TLK1: variants seen among roughly 807,000 people sequenced by gnomAD.
TLK1 encodes tousled like kinase 1.
In TLK1, 24 loss-of-function variants were observed where a neutral mutation model predicts 105.3. That is an observed-to-expected ratio of 0.23 (90% confidence interval 0.17 to 0.32). TLK1 has a LOEUF of 0.32. TLK1 is among the 10% of genes least tolerant of loss of function. TLK1 has a pLI of 1.00. For synonymous variants in TLK1, 321 were observed against 310.4 expected (o/e 1.03, Z -0.36); for missense variants, 558 against 910.5 (o/e 0.61, Z 4.98).
intron 1 of TLK1, among the ~76,000 whole-genome samples, chr2:171,209,256 C>G (rs558667046): frequency 2.6e-5 from 4 of 152,228 alleles, no homozygotes; most frequent in African/African-American, 9.6e-5. Context: ...AAAGGGGTTA[C>G]TTATATGGAA....
At chr2:171,214,388 G>C (rs1488116618) in intron 1 of TLK1, among the ~76,000 whole-genome samples, 1 of 152,132 alleles carries the variant, frequency 6.6e-6, no homozygotes, top group Non-Finnish European at 1.5e-5. Context: ...GGACATCTGA[G>C]AATGACATGT....
chr2:171,199,109 G>C (rs1693350537), intron 1 of TLK1, among the ~76,000 whole-genome samples: 1 of 152,220 alleles, frequency 6.6e-6, no homozygotes, highest in South Asian at 2.1e-4. Context: ...CAGCTTGGAA[G>C]TAATTTATTT....
chr2:171,076,025 C>T (rs1447513496), intron 3 of TLK1, among the ~76,000 whole-genome samples: 1 of 152,144 alleles, frequency 6.6e-6, no homozygotes, highest in East Asian at 1.9e-4. Context: ...CAAGACCAGC[C>T]TGGCTAACAT....
chr2:171,213,403 G>A (rs1180352664), intron 1 of TLK1, among the ~76,000 whole-genome samples: 1 of 151,636 alleles, frequency 6.6e-6, no homozygotes, highest in Non-Finnish European at 1.5e-5. Flanking sequence ...GTGTTTCACA[G>A]TATTGCCCAG....
intron 3 of TLK1, among the ~76,000 whole-genome samples, chr2:171,079,052 A>G (rs1160503923): frequency 6.6e-6 from 1 of 152,102 alleles, no homozygotes; most frequent in Non-Finnish European, 1.5e-5. Flanking sequence ...TTTGAAAACC[A>G]GTGGAATCAC....
Position 171,055,473 on chromosome 2 carries a change from A to T in TLK1, c.550-301T>A, listed in dbSNP as rs576573253. Among the ~76,000 whole-genome samples the T allele has an allele frequency of 2.0e-5, 3 of 152,088 alleles. No homozygotes were observed. In the East Asian group the frequency reaches 5.8e-4, roughly 29 times the overall value. On this transcript the variant is annotated intron_variant, in intron 6 of 20. Coordinates refer to ENST00000431350, the MANE Select transcript of TLK1 (RefSeq NM_012290.5). Reference sequence around the variant, plus strand: ...TAATGCTTTCATACAGTTAAAAAAAAAATAAGGCCAAATAAATTATTCTGA... The same window carrying T: ...TAATGCTTTCATACAGTTAAAAAAATAATAAGGCCAAATAAATTATTCTGA...
At position 171,046,001 on chromosome 2, in the gene TLK1, T is replaced by A. The variant is rs1686946048; in HGVS notation, c.1169+173A>T. ...ATTGTTAAATCTCTGCTTAAAACGG[T>A]AGAATTCAGATATTTGGGGCTATTA... On this transcript the variant is annotated intron_variant, in intron 11 of 20. Coordinates refer to ENST00000431350, the MANE Select transcript of TLK1 (RefSeq NM_012290.5). The A allele has an allele frequency of 9.6e-6, 5 of 521,378 alleles. No homozygotes were observed. In the South Asian group the frequency reaches 2.6e-4, roughly 27 times the overall value. 32.3% of individuals were successfully genotyped at this position (521,378 alleles called of 1,614,324 possible).
intron 1 of TLK1, among the ~76,000 whole-genome samples, chr2:171,212,901 T>TAG (rs1693646294): frequency 6.6e-6 from 1 of 151,112 alleles, no homozygotes; most frequent in Non-Finnish European, 1.5e-5. Context: ...TGTTTTTTTT[T>TAG]AAAAAAAACA....
chr2:171,058,007 C>A, intron 5 of TLK1, 144 bp downstream of exon 5: 4 of 671,270 alleles, frequency 6.0e-6, no homozygotes, highest in South Asian at 2.9e-5. Flanking sequence ...TCTAATTTTC[C>A]TAGAAAGATA....
In TLK1 at chr2:171,160,226, G is replaced by GC. The variant is rs1247096144; in HGVS notation, c.139+63_139+64insG. 1 of 1,253,178 alleles carries GC rather than the reference G, an allele frequency of 8.0e-7. No homozygotes were observed. The highest frequency in any genetic ancestry group is 1.0e-6 in the Non-Finnish European group (1 of 988,580). The allele number at this position is 1,253,178 out of a possible 1,614,324, so 77.6% of individuals were successfully genotyped here. A position where few individuals can be genotyped will look rare whatever the true frequency, so the allele number is the denominator to read the frequency against. ...CCCGGGGCGGGGGGGGCGGGGGGGG[G>GC]GCGCGGGGGTCCGCGGCGCGGGAGA... On this transcript the variant is annotated intron_variant, in intron 1 of 20. Coordinates refer to ENST00000431350, the MANE Select transcript of TLK1 (RefSeq NM_012290.5). The surrounding 1 kb of genome is among the most constrained non-coding windows in gnomAD (Gnocchi z 4.4).
Position 171,160,557 on chromosome 2 carries a change from G to C in TLK1, c.-129C>G, listed in dbSNP as rs1692446451. 1 of 1,478,764 alleles carries C rather than the reference G, an allele frequency of 6.8e-7. No homozygotes were observed. 91.6% of individuals were successfully genotyped at this position (1,478,764 alleles called of 1,614,324 possible). On this transcript the variant is annotated 5_prime_UTR_variant, in exon 1 of 21. Transcript: ENST00000431350. The surrounding 1 kb of genome is among the most constrained non-coding windows in gnomAD (Gnocchi z 4.4). ...AGAGAGCGAGGGCTGGGAGGGGAGA[G>C]TCAAGGGGATGGGGGAGGAAACCGA...
chr2:171,087,310 G>A (rs13016705), intron 2 of TLK1, among the ~76,000 whole-genome samples: 37,739 of 152,018 alleles, frequency 0.25, 6,046 homozygotes, highest in Non-Finnish European at 0.36. Flanking sequence ...AATAAAAACC[G>A]TAAAAAGAGC....
intron 1 of TLK1, among the ~76,000 whole-genome samples, chr2:171,168,327 T>A (rs930906155): frequency 7.2e-5 from 11 of 152,010 alleles, no homozygotes; most frequent in Non-Finnish European, 1.6e-4. Flanking sequence ...TGAAACAATA[T>A]GGGAATGTAA....
At chr2:171,050,745 T>C (rs1395776681) in intron 8 of TLK1, among the ~76,000 whole-genome samples, 1 of 152,234 alleles carries the variant, frequency 6.6e-6, no homozygotes, top group Non-Finnish European at 1.5e-5. Context: ...GGTGGCCATA[T>C]GCTCAGAGAA....
rs562486649 is a variant in TLK1 at position 171,064,236 on chromosome 2, AAGG to A, written c.331-3083_331-3081del. Reference sequence around the variant, plus strand: ...TGTGCCCCAGAAGTTATTAAAGGGGAAGGAGAAGGGAAGGAAGTGTGTGGCTGA... The same window carrying A: ...TGTGCCCCAGAAGTTATTAAAGGGGAAGAAGGGAAGGAAGTGTGTGGCTGA... On this transcript the variant is annotated intron_variant, in intron 3 of 20. Coordinates refer to ENST00000431350, the MANE Select transcript of TLK1 (RefSeq NM_012290.5). Among the ~76,000 whole-genome samples the A allele has an allele frequency of 2.5e-3, 382 of 152,282 alleles. 1 individual carries two copies. Among genetic ancestry groups the A allele is most frequent in the Non-Finnish European group, 4.1e-3 (281 of 68,020 alleles).
intron 3 of TLK1, among the ~76,000 whole-genome samples, chr2:171,077,673 TA>T (rs1688572781): frequency 6.6e-6 from 1 of 152,248 alleles, no homozygotes; most frequent in East Asian, 1.9e-4. Context: ...GATCCCTCTG[TA>T]ACTTTTAAAA....
intron 2 of TLK1, among the ~76,000 whole-genome samples, chr2:171,083,823 A>AT (rs1688853006): frequency 6.6e-6 from 1 of 152,224 alleles, no homozygotes; most frequent in African/African-American, 2.4e-5. Context: ...TCAACAAAGG[A>AT]TAGCGCTTGA....
chr2:171,033,058 T>G (rs1034685937), intron 11 of TLK1, among the ~76,000 whole-genome samples: 3 of 151,856 alleles, frequency 2.0e-5, no homozygotes, highest in African/African-American at 7.3e-5. Context: ...ATACAAAAAT[T>G]AGCCAGGCGT....
chr2:171,104,596 A>T (rs1689835777), intron 2 of TLK1, among the ~76,000 whole-genome samples: 1 of 152,170 alleles, frequency 6.6e-6, no homozygotes, highest in Admixed American at 6.5e-5. Context: ...TGAATAGCCA[A>T]AGCAATACAG....
Sources: allele counts gnomAD v4.1 joint callset (sites outside exome capture counted in the v4.1 genomes callset), GRCh38; gene constraint gnomAD v4.1.1; non-coding constraint Gnocchi (gnomAD v3.1); transcripts MANE v1.5; gene names NCBI Gene and HGNC (gene_info 2026-07-23, HGNC 2026-07-21).